STX3: variants seen among roughly 807,000 people sequenced by gnomAD.
STX3 encodes the protein syntaxin 3, also known as syntaxin-3.
A neutral mutation model predicts 40.2 loss-of-function variants in STX3; 19 were observed. The observed-to-expected ratio is 0.47, with a 90% CI of 0.33 to 0.69. The LOEUF is 0.69. Among genes scored for constraint, STX3 ranks in the 30% least tolerant of loss-of-function variants. The pLI is 0.02. For missense variants in STX3, 364 were observed against 366.7 expected (o/e 0.99, Z 0.06); for synonymous variants, 122 against 132.2 (o/e 0.92, Z 0.53).
chr11:59,795,949 T>A (rs897609431), intron 9 of STX3, among the ~76,000 whole-genome samples: 1 of 152,166 alleles, frequency 6.6e-6, no homozygotes, highest in Non-Finnish European at 1.5e-5. Context: ...GGCAGTTCTG[T>A]AGGATGGATG....
chr11:59,757,405 G>T (rs989405711), intron 1 of STX3, among the ~76,000 whole-genome samples: 4 of 152,164 alleles, frequency 2.6e-5, no homozygotes, highest in African/African-American at 7.2e-5. Flanking sequence ...GATACTCCAT[G>T]GCCCCTTTCA....
intron 2 of STX3, among the ~76,000 whole-genome samples, chr11:59,786,406 ATTT>A (rs1362889318): frequency 7.9e-6 from 1 of 127,024 alleles, no homozygotes. Context: ...CACCAGGCTA[ATTT>A]TTTTTTTTTT....
At chr11:59,762,880 G>A (rs1863110182) in intron 1 of STX3, among the ~76,000 whole-genome samples, 1 of 152,186 alleles carries the variant, frequency 6.6e-6, no homozygotes, top group East Asian at 1.9e-4. Context: ...TGGCCTTCTT[G>A]TAGGTTTCAT....
At chr11:59,786,243 CTTTT>C (rs1333761860) in intron 2 of STX3, among the ~76,000 whole-genome samples, 1 of 135,504 alleles carries the variant, frequency 7.4e-6, no homozygotes. Flanking sequence ...TTCTTTCTTT[CTTTT>C]TTTTTTTTTT....
rs3035302 is a variant in STX3 at position 59,772,974 on chromosome 11, AACACACACACACACACACAC to A, written c.31-217_31-198del. On this transcript the variant is annotated intron_variant, in intron 1 of 10. Transcript: ENST00000337979. ...TTCTCACCCCTCACCCCCTGAAAGA[AACACACACACACACACACAC>A]ACACACACACACACACACAACCCAG... 3.6e-5 allele frequency among the ~76,000 whole-genome samples: 5 copies of A among 140,680 alleles called. No homozygotes were observed. In the East Asian group the frequency reaches 1.1e-3, roughly 30 times the overall value. 92.3% of individuals were successfully genotyped at this position (140,680 alleles called of 152,430 possible).
chr11:59,801,057 C>G lies in STX3; in HGVS notation c.*233C>G. 1 of 1,464,014 alleles carries G rather than the reference C, an allele frequency of 6.8e-7. No homozygotes were observed. The highest frequency in any genetic ancestry group is 9.0e-7 in the Non-Finnish European group (1 of 1,110,746). 90.7% of individuals were successfully genotyped at this position (1,464,014 alleles called of 1,614,324 possible). ...AGTTCTCCCCAGAGCCTCCTCCTGCCCCACCAGCTCTCAAGTACCTTTTCT... is the reference window on the plus strand; with the variant it reads ...AGTTCTCCCCAGAGCCTCCTCCTGCGCCACCAGCTCTCAAGTACCTTTTCT... On this transcript the variant is annotated 3_prime_UTR_variant, in exon 11 of 11. Coordinates refer to ENST00000337979, the MANE Select transcript of STX3 (RefSeq NM_004177.5).
rs911679628 is a variant in STX3 at position 59,802,754 on chromosome 11, C to T, written c.*1930C>T. ...CAGAAACACAATGATCTGGTGCCAC[C>T]ATGTGGTGATTTTTATTCAGGTTTT... On this transcript the variant is annotated 3_prime_UTR_variant, in exon 11 of 11. Transcript: ENST00000337979. 2.0e-6 allele frequency: 2 copies of T among 985,876 alleles called. No homozygotes were observed. Among genetic ancestry groups the T allele is most frequent in the Admixed American group, 1.2e-4 (2 of 16,260 alleles). The allele number at this position is 985,876 out of a possible 1,614,324, so 61.1% of individuals were successfully genotyped here.
chr11:59,773,173 G>A, intron 1 of STX3, 38 bp from the exon 2 acceptor site: 1 of 1,600,228 alleles, frequency 6.2e-7, no homozygotes. Flanking sequence ...CATTTATTGT[G>A]TTTTTAGCCT....
intron 2 of STX3, among the ~76,000 whole-genome samples, chr11:59,782,338 G>C (rs1404722087): frequency 1.3e-5 from 2 of 152,190 alleles, no homozygotes; most frequent in African/African-American, 2.4e-5. Flanking sequence ...TTGCTATGAG[G>C]ATTAAATGAG....
At position 59,756,967 on chromosome 11, in the gene STX3, T is replaced by G. The variant is rs192796319; in HGVS notation, c.30+1332T>G. On this transcript the variant is annotated intron_variant, in intron 1 of 10. Transcript: ENST00000337979. The stretch of plus-strand genomic sequence containing the variant: ...ACCTTCATTCCTGTTTCACCTGTTC[T>G]GTGTAGCAGGGCTGCGGAGGAGGCA... Among the ~76,000 whole-genome samples the G allele has an allele frequency of 2.5e-3, 374 of 152,330 alleles. 4 individuals carry two copies. Among genetic ancestry groups the G allele is most frequent in the African/African-American group, 8.4e-3 (349 of 41,568 alleles).
In STX3 at chr11:59,805,176, TAAAAAAAAAAAAAAAACA is replaced by T. The variant is rs1408180430; in HGVS notation, c.*4364_*4381del. 1 of 80,704 alleles carries T rather than the reference TAAAAAAAAAAAAAAAACA, an allele frequency of 1.2e-5. No homozygotes were observed. The highest frequency in any genetic ancestry group is 4.0e-5 in the African/African-American group (1 of 24,730). The allele number at this position is 80,704 out of a possible 1,614,324, so 5.0% of individuals were successfully genotyped here. A position where few individuals can be genotyped will look rare whatever the true frequency, so the allele number is the denominator to read the frequency against. The stretch of plus-strand genomic sequence containing the variant: ...TGGGCAACAAGAGCTAAATTCCATC[TAAAAAAAAAAAAAAAACA>T]AAAAAAAAAAACTGTTCTTAATACT... On this transcript the variant is annotated 3_prime_UTR_variant, in exon 11 of 11. Transcript: ENST00000337979.
chr11:59,771,498 T>G (rs1233422279), intron 1 of STX3, among the ~76,000 whole-genome samples: 2 of 149,832 alleles, frequency 1.3e-5, no homozygotes, highest in East Asian at 2.0e-4. Context: ...GTCGAAAGTT[T>G]GTGCAAAGTG....
upstream of STX3, chr11:59,755,132 A>T (rs1167659516): frequency 6.5e-6 from 1 of 154,132 alleles, no homozygotes; most frequent in East Asian, 1.9e-4. Flanking sequence ...ACAGCGAATG[A>T]CCGCAGCCAG....
chr11:59,801,233 T>C lies in STX3; in HGVS notation c.*409T>C. 1 of 1,066,700 alleles carries C rather than the reference T, an allele frequency of 9.4e-7. No homozygotes were observed. Among genetic ancestry groups the C allele is most frequent in the Non-Finnish European group, 1.1e-6 (1 of 880,742 alleles). The allele number at this position is 1,066,700 out of a possible 1,614,324, so 66.1% of individuals were successfully genotyped here. A position where few individuals can be genotyped will look rare whatever the true frequency, so the allele number is the denominator to read the frequency against. ...TCCCAGAAACTGCAATGTATTTTTTTAGGGGAGTATCTTTAACAAAGCAGA... is the reference window on the plus strand; with the variant it reads ...TCCCAGAAACTGCAATGTATTTTTTCAGGGGAGTATCTTTAACAAAGCAGA... On this transcript the variant is annotated 3_prime_UTR_variant, in exon 11 of 11. Transcript: ENST00000337979.
rs1206364107 is a variant in STX3 at position 59,805,223 on chromosome 11, T to C, written c.*4399T>C. 6.7e-6 allele frequency: 1 copy of C among 148,812 alleles called. No individual in the cohort carries two copies. Among genetic ancestry groups the C allele is most frequent in the East Asian group, 2.0e-4 (1 of 5,060 alleles). 9.2% of individuals were successfully genotyped at this position (148,812 alleles called of 1,614,324 possible). ...AAAAAAAACTGTTCTTAATACTTAATACTGTCCCCAATTCCATTCAAGGTT... is the reference window on the plus strand; with the variant it reads ...AAAAAAAACTGTTCTTAATACTTAACACTGTCCCCAATTCCATTCAAGGTT... On this transcript the variant is annotated 3_prime_UTR_variant, in exon 11 of 11. Coordinates refer to ENST00000337979, the MANE Select transcript of STX3 (RefSeq NM_004177.5).
In STX3 at chr11:59,763,628, C is replaced by T. The variant is rs1863145425; in HGVS notation, c.30+7993C>T. Among the ~76,000 whole-genome samples the T allele has an allele frequency of 2.0e-5, 3 of 152,206 alleles. No individual in the cohort carries two copies. In the South Asian group the frequency reaches 6.2e-4, roughly 32 times the overall value. On this transcript the variant is annotated intron_variant, in intron 1 of 10. Coordinates refer to ENST00000337979, the MANE Select transcript of STX3 (RefSeq NM_004177.5). ...AATTAGAAATTAATACAATAATTGT[C>T]CTCCCCAGGCTAATCCATATTGGAA... is the stretch of plus-strand genomic sequence containing the variant.
At chr11:59,759,905 G>T (rs945912213) in intron 1 of STX3, among the ~76,000 whole-genome samples, 3 of 152,266 alleles carry the variant, frequency 2.0e-5, no homozygotes, top group Middle Eastern at 6.8e-3. Flanking sequence ...GCTTTTATGT[G>T]CCAGGTGCTT....
At chr11:59,790,728 G>A (rs1043179859) in intron 5 of STX3, 142 bp downstream of exon 5, 2 of 663,404 alleles carry the variant, frequency 3.0e-6, no homozygotes, top group Non-Finnish European at 5.2e-6. Flanking sequence ...TCTCCAGGTT[G>A]AAATAGGGGT....
At position 59,805,304 on chromosome 11, in the gene STX3, TTTAG is replaced by T. The variant is rs1866049848; in HGVS notation, c.*4482_*4485del. 1 of 152,206 alleles carries T rather than the reference TTTAG, an allele frequency of 6.6e-6. No individual in the cohort carries two copies. Among genetic ancestry groups the T allele is most frequent in the Non-Finnish European group, 1.5e-5 (1 of 68,034 alleles). 9.4% of individuals were successfully genotyped at this position (152,206 alleles called of 1,614,324 possible). ...TGAATGTGAGTTCTAGTGCAGATTA[TTTAG>T]TGATTATGTAACTAAAATTGATGAA... On this transcript the variant is annotated 3_prime_UTR_variant, in exon 11 of 11. Coordinates refer to ENST00000337979, the MANE Select transcript of STX3 (RefSeq NM_004177.5).
Sources: allele counts gnomAD v4.1 joint callset (sites outside exome capture counted in the v4.1 genomes callset), GRCh38; gene constraint gnomAD v4.1.1; transcripts MANE v1.5; gene names NCBI Gene and HGNC (gene_info 2026-07-23, HGNC 2026-07-21).